The following CHN2 variants were observed in gnomAD, a reference collection of about 807,000 sequenced individuals.
CHN2 encodes beta-chimaerin.
A neutral mutation model predicts 56.3 loss-of-function variants in CHN2; 35 were observed. That is an observed-to-expected ratio of 0.62 (90% CI 0.47 to 0.82). The LOEUF is 0.82. CHN2 is among the 40% of genes least tolerant of loss of function. The pLI is 0.00. For synonymous variants in CHN2, 210 were observed against 212.8 expected (o/e 0.99, Z 0.12); for missense variants, 491 against 580.5 (o/e 0.85, Z 1.58).
At chr7:29,461,049 A>C (rs147139498) in intron 6 of CHN2, among the ~76,000 whole-genome samples, 3 of 152,354 alleles carry the variant, frequency 2.0e-5, no homozygotes, top group African/African-American at 7.2e-5. Context: ...CATCAATTCT[A>C]TTCTCATGTA....
intron 6 of CHN2, among the ~76,000 whole-genome samples, chr7:29,422,825 T>C (rs1804480820): frequency 6.6e-6 from 1 of 152,230 alleles, no homozygotes; most frequent in African/African-American, 2.4e-5. Context: ...CCCACTTTTA[T>C]CTGCCCATGG....
chr7:29,368,568 T>C (rs1259956167), intron 3 of CHN2, among the ~76,000 whole-genome samples: 1 of 152,182 alleles, frequency 6.6e-6, no homozygotes, highest in African/African-American at 2.4e-5. Context: ...GTTTCTTTAA[T>C]AGCATACTTA....
At chr7:29,258,198 C>T (rs1049649346) in intron 1 of CHN2, among the ~76,000 whole-genome samples, 2 of 152,258 alleles carry the variant, frequency 1.3e-5, no homozygotes, top group East Asian at 3.9e-4. Context: ...AACTGGGTCT[C>T]TTGAGAGTGA....
Position 29,177,964 on chromosome 7 carries a change from C to A in CHN2, c.274+31004C>A, listed in dbSNP as rs986412837. ...CACACAAAGTTCCCCCTCCCCAAGC[C>A]CTCACCATCACAGCAAGTGGCACCA... is the stretch of plus-strand genomic sequence containing the variant. On this transcript the variant is annotated intron_variant, in intron 2 of 6. Transcript: ENST00000439384. Among the ~76,000 whole-genome samples, 49 of 152,170 alleles carry A rather than the reference C, an allele frequency of 3.2e-4. 1 individual carries two copies. The highest frequency in any genetic ancestry group is 3.2e-3 in the Admixed American group (49 of 15,262).
chr7:29,287,619 C>A (rs1792259720), intron 1 of CHN2, among the ~76,000 whole-genome samples: 1 of 152,140 alleles, frequency 6.6e-6, no homozygotes. Context: ...CAAGACATGA[C>A]TAAAATGAGA....
chr7:29,285,464 G>A (rs1163953224), intron 1 of CHN2, among the ~76,000 whole-genome samples: 1 of 152,154 alleles, frequency 6.6e-6, no homozygotes, highest in East Asian at 1.9e-4. Flanking sequence ...CAAAATTTTT[G>A]GTGTGGTCTG....
chr7:29,294,024 G>A (rs1374909847), intron 1 of CHN2, among the ~76,000 whole-genome samples: 1 of 151,852 alleles, frequency 6.6e-6, no homozygotes, highest in South Asian at 2.1e-4. Flanking sequence ...CCGCCACCAC[G>A]CCCAGCTAAT....
At chr7:29,479,080 C>A (rs1032481213) in intron 6 of CHN2, among the ~76,000 whole-genome samples, 1 of 152,116 alleles carries the variant, frequency 6.6e-6, no homozygotes, top group Non-Finnish European at 1.5e-5. Context: ...TACTGTCTGG[C>A]ATTAGCTGCA....
intron 8 of CHN2, among the ~76,000 whole-genome samples, chr7:29,496,866 C>A (rs886372946): frequency 6.6e-6 from 1 of 152,190 alleles, no homozygotes; most frequent in African/African-American, 2.4e-5. Flanking sequence ...GGGAGCAAGA[C>A]CAGCCTCCTC....
chr7:29,426,206 CAAAAAA>C (rs10630481), intron 6 of CHN2, among the ~76,000 whole-genome samples: 4 of 83,900 alleles, frequency 4.8e-5, no homozygotes, highest in Admixed American at 1.7e-4. Flanking sequence ...GACTCTGTCT[CAAAAAA>C]AAAAAAAAAA....
At chr7:29,174,115 G>C (rs1796954630) in intron 2 of CHN2, among the ~76,000 whole-genome samples, 1 of 152,066 alleles carries the variant, frequency 6.6e-6, no homozygotes, top group Admixed American at 6.5e-5. Flanking sequence ...ACTAGGGCAG[G>C]GCAAAAGGCT....
intron 1 of CHN2, among the ~76,000 whole-genome samples, chr7:29,320,172 G>A (rs1374652889): frequency 6.6e-6 from 1 of 152,176 alleles, no homozygotes; most frequent in African/African-American, 2.4e-5. Flanking sequence ...ACCAGAAAGT[G>A]GCAGAACTAG....
chr7:29,168,061 A>G (rs1207583418), intron 2 of CHN2, among the ~76,000 whole-genome samples: 2 of 152,216 alleles, frequency 1.3e-5, no homozygotes, highest in African/African-American at 2.4e-5. Context: ...TTTTGTTGGT[A>G]TGATTCTTGG....
At chr7:29,399,937 C>T (rs1225609326) in intron 5 of CHN2, among the ~76,000 whole-genome samples, 1 of 152,124 alleles carries the variant, frequency 6.6e-6, no homozygotes, top group Non-Finnish European at 1.5e-5. Context: ...GAGGGAACCT[C>T]TAGGTTAGAT....
At chr7:29,302,278 C>A (rs1357477188) in intron 1 of CHN2, among the ~76,000 whole-genome samples, 1 of 149,626 alleles carries the variant, frequency 6.7e-6, no homozygotes, top group East Asian at 1.9e-4. Flanking sequence ...TCTTCTTCCT[C>A]CTCTTCTTCT....
intron 1 of CHN2, among the ~76,000 whole-genome samples, chr7:29,322,195 GT>G (rs1417238029): frequency 5.9e-5 from 9 of 152,174 alleles, no homozygotes; most frequent in African/African-American, 2.2e-4. Flanking sequence ...TTCTCACATC[GT>G]TTCCTAAAGG....
At chr7:29,288,437 T>A (rs1389566547) in intron 1 of CHN2, among the ~76,000 whole-genome samples, 2 of 152,274 alleles carry the variant, frequency 1.3e-5, no homozygotes, top group Admixed American at 6.5e-5. Context: ...CTGCGTTTTG[T>A]GATTCCTTAG....
At chr7:29,268,322 A>ACACACACACACACACACACG (rs59299983) in intron 1 of CHN2, among the ~76,000 whole-genome samples, 1 of 151,006 alleles carries the variant, frequency 6.6e-6, no homozygotes, top group African/African-American at 2.4e-5. Context: ...ACACACACAC[A>ACACACACACACACACACACG]ATGTCCTTCA....
rs570008282 is a variant in CHN2 at position 29,175,001 on chromosome 7, T to C, written c.274+28041T>C. Among the ~76,000 whole-genome samples the C allele has an allele frequency of 3.3e-5, 5 of 152,134 alleles. No individual in the cohort carries two copies. In the South Asian group the frequency reaches 6.2e-4, roughly 19 times the overall value. ...AGTTGATAAGCAGCAGATTAGATAA[T>C]GATATGGTTTGGCTGTGTCCACACC... On this transcript the variant is annotated intron_variant, in intron 2 of 6. Transcript: ENST00000439384.
Sources: allele counts gnomAD v4.1 joint callset (sites outside exome capture counted in the v4.1 genomes callset), GRCh38; gene constraint gnomAD v4.1.1; transcripts MANE v1.5; gene names NCBI Gene and HGNC (gene_info 2026-07-23, HGNC 2026-07-21).